The following LDLRAD4 variants were observed in gnomAD, a reference collection of about 807,000 sequenced individuals.
The protein encoded by LDLRAD4 is low density lipoprotein receptor class A domain containing 4, also known as low-density lipoprotein receptor class A domain-containing protein 4.
In LDLRAD4, 5 loss-of-function variants were observed where a neutral mutation model predicts 17.0. That is an observed-to-expected ratio of 0.29 (90% CI 0.15 to 0.62). The LOEUF (loss-of-function observed/expected upper bound fraction) is 0.62. Among genes scored for constraint, LDLRAD4 ranks in the 20% least tolerant of loss-of-function variants. LDLRAD4 has a pLI of 0.84. For synonymous variants in LDLRAD4, 168 were observed against 171.8 expected, an observed-to-expected ratio of 0.98 and a Z score of 0.17; for missense variants, 340 against 424.7, an observed-to-expected ratio of 0.80 and a Z score of 1.75.
chr18:13,639,088 C>T (rs949860158), intron 4 of LDLRAD4, among the ~76,000 whole-genome samples: 1 of 152,216 alleles, frequency 6.6e-6, no homozygotes, highest in African/African-American at 2.4e-5. Context: ...GCTTAAAATT[C>T]TGTGAACTAC....
chr18:13,262,562 A>G (rs1413132319), intron 1 of LDLRAD4, among the ~76,000 whole-genome samples: 3 of 73,804 alleles, frequency 4.1e-5, no homozygotes, highest in Admixed American at 1.4e-4. Context: ...GTGCGTGGAA[A>G]CTGAGTCCCG....
rs75912438 is a variant in LDLRAD4 at position 13,485,829 on chromosome 18, T to C, written c.181+47445T>C. 1.5e-3 allele frequency among the ~76,000 whole-genome samples: 231 copies of C among 152,276 alleles called. 1 individual carries two copies. Among genetic ancestry groups the C allele is most frequent in the Non-Finnish European group, 2.4e-3 (164 of 68,018 alleles). ...AGGAGTTTGAAGCTTCAGTGAGCCA[T>C]GATCACGCCACCACACTCCAGCCTG... On this transcript the variant is annotated intron_variant, in intron 3 of 5. Coordinates refer to ENST00000359446, the Ensembl canonical transcript of LDLRAD4.
chr18:13,306,613 G>C (rs2046932083), intron 1 of LDLRAD4, among the ~76,000 whole-genome samples: 1 of 152,228 alleles, frequency 6.6e-6, no homozygotes, highest in African/African-American at 2.4e-5. Flanking sequence ...GGAGAACCCT[G>C]ATAGAGAGAA....
At chr18:13,559,756 G>T (rs192695917) in intron 3 of LDLRAD4, among the ~76,000 whole-genome samples, 1 of 152,298 alleles carries the variant, frequency 6.6e-6, no homozygotes, top group East Asian at 1.9e-4. Flanking sequence ...CTCTGCAAAT[G>T]ACTTTTCCAG....
At chr18:13,293,274 G>C (rs2046073362) in intron 1 of LDLRAD4, among the ~76,000 whole-genome samples, 1 of 152,212 alleles carries the variant, frequency 6.6e-6, no homozygotes. Flanking sequence ...CAATATTCCA[G>C]GTTGCTGCTG....
At chr18:13,399,196 C>CA (rs1306718742) in intron 2 of LDLRAD4, among the ~76,000 whole-genome samples, 8 of 147,244 alleles carry the variant, frequency 5.4e-5, no homozygotes, top group African/African-American at 1.3e-4. Context: ...GACCTTGTCT[C>CA]AAAAAAAAGA....
chr18:13,409,127 C>A (rs529628190), intron 2 of LDLRAD4, among the ~76,000 whole-genome samples: 82 of 152,284 alleles, frequency 5.4e-4, no homozygotes, highest in Non-Finnish European at 1.0e-3. Context: ...TCCACATTAC[C>A]TCCGTGACAT....
chr18:13,410,874 G>C (rs2145689035), intron 2 of LDLRAD4, among the ~76,000 whole-genome samples: 1 of 152,314 alleles, frequency 6.6e-6, no homozygotes, highest in East Asian at 1.9e-4. Flanking sequence ...TGGGTTTTTA[G>C]GGTACAGTGG....
At chr18:13,281,440 A>G (rs1287494068) in intron 1 of LDLRAD4, among the ~76,000 whole-genome samples, 1 of 152,094 alleles carries the variant, frequency 6.6e-6, no homozygotes, top group African/African-American at 2.4e-5. Flanking sequence ...AAAAATACCC[A>G]CAAAAGACAA....
intron 4 of LDLRAD4, among the ~76,000 whole-genome samples, chr18:13,640,909 T>A (rs762198503): frequency 6.6e-6 from 1 of 152,162 alleles, no homozygotes; most frequent in African/African-American, 2.4e-5. Flanking sequence ...TTAAACAATG[T>A]GTGTCACGCA....
chr18:13,561,176 C>T (rs900919967), intron 3 of LDLRAD4, among the ~76,000 whole-genome samples: 1 of 152,172 alleles, frequency 6.6e-6, no homozygotes, highest in Admixed American at 6.5e-5. Flanking sequence ...CTTCAGGTTC[C>T]ACGTTTGAAA....
chr18:13,450,461 A>G (rs919613348), intron 3 of LDLRAD4, among the ~76,000 whole-genome samples: 1 of 152,180 alleles, frequency 6.6e-6, no homozygotes, highest in Non-Finnish European at 1.5e-5. Flanking sequence ...TGTTTGGGGT[A>G]GTCACTTGTG....
chr18:13,566,458 G>A (rs547177691), intron 3 of LDLRAD4, among the ~76,000 whole-genome samples: 12 of 151,586 alleles, frequency 7.9e-5, no homozygotes, highest in Admixed American at 7.2e-4. Context: ...CACCTCCTGG[G>A]TTCAAGTGAT....
chr18:13,523,667 T>C (rs1025907608), intron 3 of LDLRAD4, among the ~76,000 whole-genome samples: 1 of 152,210 alleles, frequency 6.6e-6, no homozygotes, highest in African/African-American at 2.4e-5. Flanking sequence ...CTGTGTACCA[T>C]GCAGTTGCCT....
At chr18:13,412,171 T>C (rs558693598) in intron 2 of LDLRAD4, among the ~76,000 whole-genome samples, 1 of 152,288 alleles carries the variant, frequency 6.6e-6, no homozygotes, top group South Asian at 2.1e-4. Context: ...TAGTATTTGC[T>C]CAGGGCAATT....
intron 3 of LDLRAD4, among the ~76,000 whole-genome samples, chr18:13,572,929 G>A (rs1000989517): frequency 4.6e-5 from 7 of 152,188 alleles, no homozygotes; most frequent in South Asian, 2.1e-4. Flanking sequence ...TGCCACAGAC[G>A]CCAGTGAGGC....
chr18:13,282,008 A>G (rs1461077695), intron 1 of LDLRAD4, among the ~76,000 whole-genome samples: 2 of 152,202 alleles, frequency 1.3e-5, no homozygotes, highest in Non-Finnish European at 2.9e-5. Context: ...CACTTCTTAC[A>G]TGGCGGCAGC....
intron 3 of LDLRAD4, among the ~76,000 whole-genome samples, chr18:13,573,665 C>G (rs2094724620): frequency 6.6e-6 from 1 of 152,230 alleles, no homozygotes; most frequent in Admixed American, 6.5e-5. Context: ...AAACACACAC[C>G]TTGCATAAGC....
intron 1 of LDLRAD4, among the ~76,000 whole-genome samples, chr18:13,283,884 C>T (rs1304321497): frequency 6.6e-6 from 1 of 152,106 alleles, no homozygotes; most frequent in African/African-American, 2.4e-5. Context: ...AGAATCGTGG[C>T]TGAGGGCAAA....
Sources: gnomAD v4.1 joint callset for allele counts (sites outside exome capture counted in the v4.1 genomes callset) on GRCh38, gnomAD v4.1.1 for gene constraint, MANE v1.5 for transcripts, NCBI Gene and HGNC (gene_info 2026-07-23, HGNC 2026-07-21) for gene names.